Variants in CCDC149 observed in about 807,000 individuals in gnomAD.
The protein encoded by CCDC149 is coiled-coil domain-containing protein 149.
A neutral mutation model predicts 59.9 loss-of-function variants in CCDC149; 45 were observed. The ratio of observed to expected loss-of-function variants is 0.75; its 90% confidence interval spans 0.59 to 0.96. The LOEUF is 0.96. Among genes scored for constraint, CCDC149 ranks in the 40% least tolerant of loss-of-function variants. CCDC149 has a pLI of 0.00. For missense variants in CCDC149, 584 were observed against 664.7 expected (o/e 0.88, Z 1.33); for synonymous variants, 245 against 260.6 (o/e 0.94, Z 0.58).
chr4:24,881,448 T>G (rs1560234927), intron 1 of CCDC149, among the ~76,000 whole-genome samples: 3 of 152,220 alleles, frequency 2.0e-5, no homozygotes, highest in Non-Finnish European at 2.9e-5. Flanking sequence ...CACAGGTTGC[T>G]ATAGGGTTGC....
At chr4:24,938,606 C>T (rs981729211) in intron 1 of CCDC149, among the ~76,000 whole-genome samples, 8 of 152,144 alleles carry the variant, frequency 5.3e-5, no homozygotes, top group South Asian at 4.1e-4. Flanking sequence ...AATCACTTCA[C>T]CCAGGAAGTG....
At chr4:24,848,299 C>T (rs1175107359) in intron 4 of CCDC149, among the ~76,000 whole-genome samples, 14 of 152,174 alleles carry the variant, frequency 9.2e-5, no homozygotes, top group Admixed American at 8.5e-4. Context: ...CGGCCAGGCA[C>T]GGTGCTAACA....
At chr4:24,939,317 A>G (rs1404938577) in intron 1 of CCDC149, among the ~76,000 whole-genome samples, 2 of 152,198 alleles carry the variant, frequency 1.3e-5, no homozygotes, top group Admixed American at 6.5e-5. Context: ...ACTCCAACAG[A>G]CCTGCAGCTG....
intron 1 of CCDC149, chr4:24,979,954 A>C (rs754363404): frequency 5.9e-5 from 9 of 152,236 alleles, no homozygotes; most frequent in Non-Finnish European, 1.2e-4. Flanking sequence ...GGGAATTCTC[A>C]CAAGCAATAA....
At chr4:24,816,079 T>A (rs997148575) in intron 12 of CCDC149, among the ~76,000 whole-genome samples, 3 of 152,130 alleles carry the variant, frequency 2.0e-5, no homozygotes, top group African/African-American at 7.2e-5. Flanking sequence ...AATTTAAATT[T>A]AAATTTTTAA....
chr4:24,830,556 C>T (rs1179515412), intron 9 of CCDC149: 2 of 152,172 alleles, frequency 1.3e-5, no homozygotes, highest in African/African-American at 2.4e-5. Context: ...CAATCATTTT[C>T]CACTTGCCTC....
chr4:24,939,766 G>A (rs565639724), intron 1 of CCDC149, among the ~76,000 whole-genome samples: 71 of 152,296 alleles, frequency 4.7e-4, no homozygotes, highest in African/African-American at 1.2e-3. Flanking sequence ...CTCAGTAACC[G>A]ATGCGATCAA....
At chr4:24,829,039 T>A (rs1201776022) in intron 9 of CCDC149, 1 of 152,448 alleles carries the variant, frequency 6.6e-6, no homozygotes, top group Non-Finnish European at 1.5e-5. Context: ...GTGGATGCTG[T>A]CTTTGGCAGG....
chr4:24,820,947 G>A, intron 11 of CCDC149, 108 bp downstream of exon 11: 1 of 524,984 alleles, frequency 1.9e-6, no homozygotes. Flanking sequence ...TCTAATCAGA[G>A]AAGTTCAAGG....
chr4:24,875,102 A>G (rs1018134787), intron 2 of CCDC149, among the ~76,000 whole-genome samples: 4 of 152,110 alleles, frequency 2.6e-5, no homozygotes, highest in Admixed American at 2.0e-4. Flanking sequence ...AGGTCAGGAG[A>G]TTGAGACCAT....
chr4:24,973,716 C>T (rs562366207), intron 1 of CCDC149, among the ~76,000 whole-genome samples: 2 of 152,304 alleles, frequency 1.3e-5, no homozygotes, highest in South Asian at 2.1e-4. Flanking sequence ...TGAGACAATA[C>T]GTGTGTGTGA....
intron 1 of CCDC149, among the ~76,000 whole-genome samples, chr4:24,937,740 C>T (rs75095954): frequency 0.012 from 1,782 of 152,282 alleles, 9 homozygotes; most frequent in Non-Finnish European, 0.019. Context: ...CTATTCACAC[C>T]TATTGGCCAG....
chr4:24,834,446 T>C (rs1341608651), intron 8 of CCDC149, among the ~76,000 whole-genome samples: 1 of 152,076 alleles, frequency 6.6e-6, no homozygotes, highest in African/African-American at 2.4e-5. Flanking sequence ...AAAAGGCACA[T>C]GTTATGTGAG....
intron 1 of CCDC149, among the ~76,000 whole-genome samples, chr4:24,937,932 G>A (rs1722830431): frequency 6.6e-6 from 1 of 152,196 alleles, no homozygotes; most frequent in Non-Finnish European, 1.5e-5. Context: ...CCTTATGGAT[G>A]ATATGTTGGT....
At chr4:24,839,026 TCTCACACACA>T (rs1214438710) in intron 4 of CCDC149, among the ~76,000 whole-genome samples, 4 of 131,754 alleles carry the variant, frequency 3.0e-5, no homozygotes, top group South Asian at 2.6e-4. Flanking sequence ...TCTCTCTCTC[TCTCACACACA>T]CACACACACA....
chr4:24,914,819 C>T (rs1722077027), upstream of CCDC149, among the ~76,000 whole-genome samples: 1 of 152,120 alleles, frequency 6.6e-6, no homozygotes, highest in African/African-American at 2.4e-5. Context: ...CCCTGGCAGC[C>T]CTTCAAAAAG....
intron 1 of CCDC149, among the ~76,000 whole-genome samples, chr4:24,908,447 C>T (rs1721667235): frequency 6.6e-6 from 1 of 151,616 alleles, no homozygotes; most frequent in African/African-American, 2.4e-5. Context: ...CCTATAATCC[C>T]ATCACTTTGG....
intron 3 of CCDC149, among the ~76,000 whole-genome samples, chr4:24,860,288 C>CA (rs1328325727): frequency 4.6e-5 from 7 of 152,124 alleles, no homozygotes; most frequent in African/African-American, 1.7e-4. Flanking sequence ...GAAATAAAGT[C>CA]AAATACTTAC....
At chr4:24,931,331 A>ATATATATATC (rs1394185015) in intron 1 of CCDC149, among the ~76,000 whole-genome samples, 94 of 147,518 alleles carry the variant, frequency 6.4e-4, no homozygotes, top group African/African-American at 2.2e-3. Context: ...ATATATATAT[A>ATATATATATC]TCTCAGTACA....
Sources: allele counts gnomAD v4.1 joint callset (sites outside exome capture counted in the v4.1 genomes callset), GRCh38; gene constraint gnomAD v4.1.1; transcripts MANE v1.5; gene names NCBI Gene and HGNC (gene_info 2026-07-23, HGNC 2026-07-21).